The following C14orf132 variants were observed in gnomAD, a reference collection of about 807,000 sequenced individuals.
The protein encoded by C14orf132 is uncharacterized protein C14orf132.
Under a neutral mutation model 5.8 loss-of-function variants are expected in C14orf132, and 6 were observed. The ratio of observed to expected loss-of-function variants is 1.03; its 90% CI spans 0.57 to 2.04. The LOEUF (loss-of-function observed/expected upper bound fraction) is 2.04, where lower values mean the gene tolerates loss of function less well. C14orf132 is among the 30% of genes most tolerant of loss of function. The pLI, the probability that C14orf132 is intolerant of heterozygous loss-of-function variation, is 0.00. For missense variants in C14orf132, 125 were observed against 115.8 expected (o/e 1.08, Z -0.37); for synonymous variants, 51 against 49.8 (o/e 1.02, Z -0.10).
rs1415322755 is a variant in C14orf132 at position 96,049,581 on chromosome 14, TATATATATACATATATAC to T, written c.27+10055_27+10072del. On this transcript the variant is annotated intron_variant, in intron 1 of 1. Transcript: ENST00000555004. Reference sequence around the variant, plus strand: ...ATATACGTATATATACATATATACGTATATATATACATATATACGTATATATATACATATATACGTATA... The same window carrying T: ...ATATACGTATATATACATATATACGTGTATATATATACATATATACGTATA... 1.3e-4 allele frequency among the ~76,000 whole-genome samples: 15 copies of T among 119,704 alleles called. 1 individual carries two copies. Among genetic ancestry groups the T allele is most frequent in the African/African-American group, 3.3e-4 (11 of 33,552 alleles). The allele number at this position is 119,704 out of a possible 152,430, so 78.5% of individuals were successfully genotyped here. A position where few individuals can be genotyped will look rare whatever the true frequency, so the allele number is the denominator to read the frequency against.
intron 1 of C14orf132, 56 bp from the exon 2 acceptor site, chr14:96,086,455 G>C: frequency 6.7e-7 from 1 of 1,483,508 alleles, no homozygotes; most frequent in African/African-American, 1.4e-5. Context: ...CTTTTGCAGG[G>C]TACATCTGCC....
At chr14:96,064,497 A>G (rs1488569664) in intron 1 of C14orf132, among the ~76,000 whole-genome samples, 1 of 151,800 alleles carries the variant, frequency 6.6e-6, no homozygotes, top group African/African-American at 2.4e-5. Context: ...AGGCAGCCAT[A>G]AAAAGGAATG....
At chr14:96,050,099 CT>C (rs1284944338) in intron 1 of C14orf132, among the ~76,000 whole-genome samples, 4 of 152,078 alleles carry the variant, frequency 2.6e-5, no homozygotes, top group Non-Finnish European at 5.9e-5. Context: ...GATTGATTGC[CT>C]TTTCTCCTCA....
At position 96,090,816 on chromosome 14, in the gene C14orf132, G is replaced by A. The variant is rs1226793448; in HGVS notation, c.*4081G>A. 1 of 456,114 alleles carries A rather than the reference G, an allele frequency of 2.2e-6. No individual in the cohort carries two copies. The highest frequency in any genetic ancestry group is 4.4e-6 in the Non-Finnish European group (1 of 226,808). The allele number at this position is 456,114 out of a possible 1,614,324, so 28.3% of individuals were successfully genotyped here. A position where few individuals can be genotyped will look rare whatever the true frequency, so the allele number is the denominator to read the frequency against. On this transcript the variant is annotated 3_prime_UTR_variant, in exon 2 of 2. Transcript: ENST00000555004. ...ACCACTCTGGCGTCTCCTGAAGTGG[G>A]TCCCTGGAGACCGAAGAGGCTCAGT...
chr14:96,074,268 C>A (rs1334848879), intron 1 of C14orf132, among the ~76,000 whole-genome samples: 3 of 152,284 alleles, frequency 2.0e-5, no homozygotes, highest in South Asian at 2.1e-4. Flanking sequence ...CTTATAAGTT[C>A]TTTGTCAGAT....
intron 1 of C14orf132, among the ~76,000 whole-genome samples, chr14:96,071,501 C>T (rs1045704987): frequency 5.3e-5 from 8 of 152,330 alleles, no homozygotes; most frequent in African/African-American, 1.7e-4. Context: ...TCCACTTTCC[C>T]TGGATTTGGT....
chr14:96,079,188 C>T (rs140481394), intron 1 of C14orf132, among the ~76,000 whole-genome samples: 1 of 152,298 alleles, frequency 6.6e-6, no homozygotes, highest in Non-Finnish European at 1.5e-5. Flanking sequence ...GGAACACGTA[C>T]AGCCGAGTGC....
intron 1 of C14orf132, among the ~76,000 whole-genome samples, chr14:96,078,827 G>C (rs945118204): frequency 6.6e-6 from 1 of 152,224 alleles, no homozygotes; most frequent in East Asian, 1.9e-4. Flanking sequence ...GCCATTAAGA[G>C]CCCAGCCTCC....
chr14:96,045,498 T>G (rs1886807822), intron 1 of C14orf132, among the ~76,000 whole-genome samples: 1 of 152,136 alleles, frequency 6.6e-6, no homozygotes, highest in South Asian at 2.1e-4. Context: ...CCAGGTGACC[T>G]CATGGAGTGG....
rs1375013007 is a variant in C14orf132, at chr14:96,039,847, CCCCTTCTGGGGTCCCGGAGCCCT to C, written c.27+323_27+345del. Reference sequence around the variant, plus strand: ...CTTCTGCCCATCCCCCACTGCTGTCCCCCTTCTGGGGTCCCGGAGCCCTCCAAGGCCGGGCCAGCTCAGACCCG... The same window carrying C: ...CTTCTGCCCATCCCCCACTGCTGTCCCCAAGGCCGGGCCAGCTCAGACCCG... On this transcript the variant is annotated intron_variant, in intron 1 of 1. Transcript: ENST00000555004. The surrounding 1 kb of genome is among the most constrained non-coding windows in gnomAD (Gnocchi z 5.3). 6.6e-6 allele frequency among the ~76,000 whole-genome samples: 1 copy of C among 152,140 alleles called. No homozygotes were observed. Among genetic ancestry groups the C allele is most frequent in the Non-Finnish European group, 1.5e-5 (1 of 68,008 alleles).
intron 1 of C14orf132, among the ~76,000 whole-genome samples, chr14:96,061,965 C>T (rs964940368): frequency 6.6e-5 from 10 of 152,178 alleles, no homozygotes; most frequent in Non-Finnish European, 1.5e-4. Flanking sequence ...CATAATTCCA[C>T]AGCTTTCTTA....
At chr14:96,078,691 G>A (rs368749107) in intron 1 of C14orf132, among the ~76,000 whole-genome samples, 1 of 152,224 alleles carries the variant, frequency 6.6e-6, no homozygotes, top group Non-Finnish European at 1.5e-5. Flanking sequence ...CAGGCAGACT[G>A]GGCTGGCACC....
chr14:96,086,687 G>A lies in C14orf132; in HGVS notation c.204G>A (p.Thr68=), dbSNP rs765074674. Residue 68 remains threonine (T), a synonymous_variant, in exon 2 of 2, where the codon ACG becomes ACA. Transcript: ENST00000555004. ...AVLLWIAIIA[T]LGNIVVVGVV... is the part of the protein sequence containing the mutation. ...TGCTATGGATTGCCATCATAGCTACGCTGGGGAACATCGTGGTGGTGGGCG... is the reference window on the plus strand; with the variant it reads ...TGCTATGGATTGCCATCATAGCTACACTGGGGAACATCGTGGTGGTGGGCG... 14 of 1,536,064 alleles carry A rather than the reference G, an allele frequency of 9.1e-6. No homozygotes were observed. The highest frequency in any genetic ancestry group is 6.8e-5 in the African/African-American group (5 of 73,050).
rs1886633426 is a variant in C14orf132, at chr14:96,039,723, G to GGCT, written c.27+199_27+201dup. 6.6e-6 allele frequency among the ~76,000 whole-genome samples: 1 copy of GGCT among 151,964 alleles called. No individual in the cohort carries two copies. Among genetic ancestry groups the GGCT allele is most frequent in the African/African-American group, 2.4e-5 (1 of 41,414 alleles). ...ATCGCGGCTCTCCCGGGGTGGGGCG[G>GGCT]GCTGCGCGCCCCGCACCCCCGCGGC... On this transcript the variant is annotated intron_variant, in intron 1 of 1. Transcript: ENST00000555004. The surrounding 1 kb of genome is among the most constrained non-coding windows in gnomAD (Gnocchi z 5.3).
At chr14:96,066,488 A>G (rs1887531095) in intron 1 of C14orf132, among the ~76,000 whole-genome samples, 1 of 152,172 alleles carries the variant, frequency 6.6e-6, no homozygotes, top group South Asian at 2.1e-4. Flanking sequence ...GGGTTGAGGC[A>G]TGTCGGACAC....
At chr14:96,072,297 G>A (rs943193960) in intron 1 of C14orf132, among the ~76,000 whole-genome samples, 7 of 152,308 alleles carry the variant, frequency 4.6e-5, no homozygotes, top group Non-Finnish European at 7.3e-5. Flanking sequence ...GCTGTAGAAA[G>A]AGCTTGGGAC....
chr14:96,078,511 G>A (rs1887939518), intron 1 of C14orf132, among the ~76,000 whole-genome samples: 1 of 152,194 alleles, frequency 6.6e-6, no homozygotes, highest in African/African-American at 2.4e-5. Flanking sequence ...CTTCTTGCCA[G>A]GGGCCTCGGC....
chr14:96,048,514 T>A (rs1460159504), intron 1 of C14orf132, among the ~76,000 whole-genome samples: 1 of 152,214 alleles, frequency 6.6e-6, no homozygotes, highest in East Asian at 1.9e-4. Context: ...CTATTTTATT[T>A]TTTATTTTTA....
chr14:96,075,948 G>A (rs1462199623), intron 1 of C14orf132, among the ~76,000 whole-genome samples: 1 of 152,110 alleles, frequency 6.6e-6, no homozygotes, highest in Non-Finnish European at 1.5e-5. Flanking sequence ...AAATGAGTTG[G>A]AAAATGTTCT....
Sources: allele counts gnomAD v4.1 joint callset (sites outside exome capture counted in the v4.1 genomes callset), GRCh38; gene constraint gnomAD v4.1.1; non-coding constraint Gnocchi (gnomAD v3.1); transcripts MANE v1.5; gene names NCBI Gene and HGNC (gene_info 2026-07-23, HGNC 2026-07-21).